The following RIPOR2 variants were observed in gnomAD, a reference collection of about 807,000 sequenced individuals.
RIPOR2 encodes rho family-interacting cell polarization regulator 2.
RIPOR2 carries 39 observed loss-of-function variants against 114.5 expected under a neutral mutation model. The ratio of observed to expected loss-of-function variants is 0.34; its 90% CI spans 0.26 to 0.44. The LOEUF is 0.44. Ranked by LOEUF, RIPOR2 falls within the 20% of genes least tolerant of loss-of-function variation. The pLI is 1.00. For missense variants in RIPOR2, 1,007 were observed against 1,255.1 expected, an observed-to-expected ratio of 0.80 and a Z score of 2.99; for synonymous variants, 445 against 484.4, an observed-to-expected ratio of 0.92 and a Z score of 1.07.
At chr6:24,948,079 T>C (rs1159180329) in intron 1 of RIPOR2, 1 of 152,248 alleles carries the variant, frequency 6.6e-6, no homozygotes, top group African/African-American at 2.4e-5. Context: ...ATTATCTTAA[T>C]TTTAATTGCC....
At chr6:24,934,800 T>A (rs1241879575) in intron 1 of RIPOR2, among the ~76,000 whole-genome samples, 1 of 152,196 alleles carries the variant, frequency 6.6e-6, no homozygotes, top group Non-Finnish European at 1.5e-5. Flanking sequence ...ATCCATCCAA[T>A]GACTAGATCA....
chr6:24,833,816 T>C (rs1048121285), intron 15 of RIPOR2, among the ~76,000 whole-genome samples: 1 of 152,196 alleles, frequency 6.6e-6, no homozygotes, highest in African/African-American at 2.4e-5. Context: ...GGATGAATTG[T>C]TATAATCATG....
chr6:24,983,928 A>G (rs548487733), intron 1 of RIPOR2, among the ~76,000 whole-genome samples: 1 of 152,254 alleles, frequency 6.6e-6, no homozygotes, highest in East Asian at 1.9e-4. Flanking sequence ...TCAGAGAAGC[A>G]TCCCTAAAAG....
intron 1 of RIPOR2, among the ~76,000 whole-genome samples, chr6:24,912,883 T>C (rs918123093): frequency 6.6e-6 from 1 of 152,154 alleles, no homozygotes; most frequent in Non-Finnish European, 1.5e-5. Flanking sequence ...CAGATGATGT[T>C]AGGTACTTTA....
Position 24,911,696 on chromosome 6 carries a change from C to G in RIPOR2, c.61+24142G>C, listed in dbSNP as rs558770441. 3.3e-5 allele frequency among the ~76,000 whole-genome samples: 5 copies of G among 152,212 alleles called. No individual in the cohort carries two copies. The South Asian group carries it at 1.0e-3, about 32-fold the overall frequency. On this transcript the variant is annotated intron_variant, in intron 1 of 21. Transcript: ENST00000643898. ...GGAAAGCATGGGTCTGCCTGATAGA[C>G]AGACATTCCCAAAAAAGGGCCTTTT...
chr6:25,005,750 G>A (rs1172524717), intron 1 of RIPOR2, among the ~76,000 whole-genome samples: 31 of 67,638 alleles, frequency 4.6e-4, no homozygotes, highest in African/African-American at 1.1e-3. Flanking sequence ...TACATTTACC[G>A]ATCAAAAGAT....
intron 1 of RIPOR2, among the ~76,000 whole-genome samples, chr6:24,897,298 G>T (rs1767975113): frequency 6.6e-6 from 1 of 152,178 alleles, no homozygotes; most frequent in African/African-American, 2.4e-5. Flanking sequence ...ACATCATTTG[G>T]CAGGATGAGT....
chr6:24,900,905 C>T (rs1385590700), intron 1 of RIPOR2, among the ~76,000 whole-genome samples: 2 of 152,138 alleles, frequency 1.3e-5, no homozygotes, highest in South Asian at 2.1e-4. Flanking sequence ...GACTTGAACT[C>T]CTGGGCTCAA....
intron 9 of RIPOR2, 108 bp downstream of exon 9, chr6:24,852,460 CAAAATTA>C (rs768934685): frequency 5.9e-6 from 5 of 847,006 alleles, no homozygotes; most frequent in Non-Finnish European, 9.6e-6. Context: ...AAATGTTTTT[CAAAATTA>C]AAAATTAAAA....
intron 1 of RIPOR2, among the ~76,000 whole-genome samples, chr6:24,894,523 A>C (rs1197882897): frequency 1.3e-5 from 2 of 152,124 alleles, no homozygotes; most frequent in African/African-American, 4.8e-5. Context: ...CCGTTTCTTA[A>C]TTTTCTGTCA....
chr6:25,005,700 T>C (rs1175319090), intron 1 of RIPOR2, among the ~76,000 whole-genome samples: 2 of 37,462 alleles, frequency 5.3e-5, no homozygotes, highest in Non-Finnish European at 1.0e-4. Flanking sequence ...TGGAGATATA[T>C]ATATATATAT....
upstream of RIPOR2, among the ~76,000 whole-genome samples, chr6:24,940,445 G>A (rs973452131): frequency 7.2e-5 from 11 of 151,986 alleles, no homozygotes; most frequent in Admixed American, 3.3e-4. Context: ...CAAAATGTTC[G>A]AAACAGAAAG....
intron 12 of RIPOR2, chr6:24,847,434 C>T: frequency 8.5e-7 from 1 of 1,173,902 alleles, no homozygotes; most frequent in South Asian, 1.5e-5. Context: ...ACAGCTGTAA[C>T]CATACCCAGT....
At chr6:24,809,844 T>C in intron 20 of RIPOR2, 37 bp from the exon 21 acceptor site, 1 of 1,347,386 alleles carries the variant, frequency 7.4e-7, no homozygotes, top group East Asian at 2.5e-5. Context: ...TGTTTTGACA[T>C]TTAGGTCTAG....
chr6:24,810,763 T>TG (rs1473154099), intron 20 of RIPOR2, among the ~76,000 whole-genome samples: 1 of 49,656 alleles, frequency 2.0e-5, no homozygotes, highest in East Asian at 3.0e-4. Flanking sequence ...CTGAAGGTAA[T>TG]TTTTTTTTTA....
chr6:24,978,698 C>T (rs781598897), intron 1 of RIPOR2, among the ~76,000 whole-genome samples: 2 of 152,200 alleles, frequency 1.3e-5, no homozygotes, highest in Non-Finnish European at 2.9e-5. Context: ...CTAAATTCTA[C>T]TTAGTTGTGA....
chr6:25,022,532 A>ATTTTTTTTTTTTTTTTTTTTTTTTT lies in RIPOR2; in HGVS notation c.76+19294_76+19318dup, dbSNP rs10564019. 9.8e-5 allele frequency among the ~76,000 whole-genome samples: 4 copies of ATTTTTTTTTTTTTTTTTTTTTTTTT among 40,992 alleles called. 1 individual carries two copies. Among genetic ancestry groups the ATTTTTTTTTTTTTTTTTTTTTTTTT allele is most frequent in the Non-Finnish European group, 1.4e-4 (3 of 20,704 alleles). 26.9% of individuals were successfully genotyped at this position (40,992 alleles called of 152,430 possible). On this transcript the variant is annotated intron_variant, in intron 1 of 13. Coordinates refer to the RIPOR2 transcript ENST00000510784. ...ACATATAACTAATGTGGTACCTTCCATTTTTTTTTTTTTTTTTTTTTTTTT... is the reference window on the plus strand; with the variant it reads ...ACATATAACTAATGTGGTACCTTCCATTTTTTTTTTTTTTTTTTTTTTTTTTTTTTTTTTTTTTTTTTTTTTTTTT...
chr6:24,950,779 CA>C (rs68078308), intron 1 of RIPOR2, among the ~76,000 whole-genome samples: 27,533 of 152,126 alleles, frequency 0.18, 2,642 homozygotes, highest in African/African-American at 0.21. Context: ...GCCTAAAGTG[CA>C]GCTATCTAAC....
At chr6:24,905,388 G>A (rs1768875998) in intron 1 of RIPOR2, among the ~76,000 whole-genome samples, 1 of 151,720 alleles carries the variant, frequency 6.6e-6, no homozygotes, top group African/African-American at 2.4e-5. Context: ...ACGCATCACC[G>A]AGACAACTCT....
Sources: allele counts gnomAD v4.1 joint callset (sites outside exome capture counted in the v4.1 genomes callset), GRCh38; gene constraint gnomAD v4.1.1; transcripts MANE v1.5; gene names NCBI Gene and HGNC (gene_info 2026-07-23, HGNC 2026-07-21).